Variants in ITGAX observed in about 807,000 individuals in gnomAD.
ITGAX encodes integrin alpha-X.
Under a neutral mutation model 140.2 loss-of-function variants are expected in ITGAX, and 99 were observed. The observed-to-expected ratio is 0.71, with a 90% CI of 0.60 to 0.83. The LOEUF is 0.83. Among genes scored for constraint, ITGAX ranks in the 40% least tolerant of loss-of-function variants. The pLI is 0.00. For missense variants in ITGAX, 1,444 were observed against 1,482.0 expected (o/e 0.97, Z 0.42); for synonymous variants, 631 against 600.4 (o/e 1.05, Z -0.75).
At chr16:31,367,961 C>T (rs537836090) in intron 14 of ITGAX, among the ~76,000 whole-genome samples, 3 of 152,080 alleles carry the variant, frequency 2.0e-5, no homozygotes, top group Non-Finnish European at 4.4e-5. Flanking sequence ...AACATTAACA[C>T]GAGTTCGGGA....
chr16:31,372,251 A>G, intron 17 of ITGAX, 127 bp from the exon 18 acceptor site: 3 of 1,078,208 alleles, frequency 2.8e-6, no homozygotes, highest in Non-Finnish European at 2.6e-6. Flanking sequence ...GGTGACGCTG[A>G]GCAGGCTCTG....
chr16:31,378,631 G>C (rs945051114), intron 23 of ITGAX, among the ~76,000 whole-genome samples: 4 of 151,760 alleles, frequency 2.6e-5, no homozygotes, highest in Non-Finnish European at 5.9e-5. Context: ...CACCATGCCT[G>C]GCTAATTTAA....
In ITGAX at chr16:31,357,222, G is replaced by C. The variant is rs767998541; in HGVS notation, c.319-31G>C. ...AATGTGAGGGTGGGAGGAAGCAGGG[G>C]CAGCCCCCCAGCAGCCCGCTGTGTC... On this transcript the variant is annotated intron_variant, in intron 4 of 29. Coordinates refer to ENST00000268296, the MANE Select transcript of ITGAX (RefSeq NM_000887.5). 6 of 1,561,524 alleles carry C rather than the reference G, an allele frequency of 3.8e-6. No homozygotes were observed. In the South Asian group the frequency reaches 6.9e-5, roughly 18 times the overall value.
chr16:31,378,090 A>C (rs2081036175), intron 23 of ITGAX, among the ~76,000 whole-genome samples: 1 of 152,174 alleles, frequency 6.6e-6, no homozygotes, highest in African/African-American at 2.4e-5. Context: ...GCTTGTGCCC[A>C]AAAAGGGCTC....
rs757874145 is a variant in ITGAX, at chr16:31,371,109, C to T, written c.1736C>T (p.Ser579Phe). The change falls in exon 15 of 30, where the codon TCC becomes TTC. Residue 579 changes from serine to phenylalanine, a missense_variant. Physicochemically the swap from Ser to Phe is radical, Grantham distance 155. Transcript: ENST00000268296. ...CGGATCGCGGGCTCCCAGCTCTCCTCCAGGCTGCAGTATTTTGGGCAGGCA... is the reference window on the plus strand; with the variant it reads ...CGGATCGCGGGCTCCCAGCTCTCCTTCAGGCTGCAGTATTTTGGGCAGGCA... Reference protein sequence around the residue: ...SQRIAGSQLSSRLQYFGQALS... With the variant: ...SQRIAGSQLSFRLQYFGQALS... 3.1e-6 allele frequency: 5 copies of T among 1,614,138 alleles called. No individual in the cohort carries two copies. In the South Asian group the frequency reaches 5.5e-5, roughly 18 times the overall value.
chr16:31,367,281 A>G lies in ITGAX; in HGVS notation c.1711-3803A>G, dbSNP rs140438948. On this transcript the variant is annotated intron_variant, in intron 14 of 29. Transcript: ENST00000268296. The stretch of plus-strand genomic sequence containing the variant: ...ATGGAGAAGGCGCAGCAAGTTCTCC[A>G]GAAGATCTCTGATGAAGGTGGCTAC... 5.1e-4 allele frequency among the ~76,000 whole-genome samples: 77 copies of G among 152,394 alleles called. 1 individual carries two copies. The highest frequency in any genetic ancestry group is 2.7e-3 in the South Asian group (13 of 4,832).
At chr16:31,377,978 G>A (rs1255443928) in intron 23 of ITGAX, among the ~76,000 whole-genome samples, 1 of 152,182 alleles carries the variant, frequency 6.6e-6, no homozygotes, top group African/African-American at 2.4e-5. Flanking sequence ...CTGGTGTTTG[G>A]ACTATGCCAG....
At chr16:31,376,658 A>C (rs2081021755) in intron 20 of ITGAX, 141 bp from the exon 21 acceptor site, 2 of 705,202 alleles carry the variant, frequency 2.8e-6, no homozygotes, top group Admixed American at 2.6e-5. Flanking sequence ...ACATAAGCTT[A>C]AGGTGGGCTC....
At position 31,363,359 on chromosome 16, in the gene ITGAX, C is replaced by T. The variant is rs2080858927; in HGVS notation, c.1695C>T (p.Ser565=). 2 of 1,613,504 alleles carry T rather than the reference C, an allele frequency of 1.2e-6. No homozygotes were observed. Among genetic ancestry groups the T allele is most frequent in the South Asian group, 1.1e-5 (1 of 91,086 alleles). ...ACGGAGTCTTGGGACCCAGCATCAG[C>T]CCCTCCCACAGCCAGGTGAGGCCGT... ...LFHGVLGPSI[S]PSHSQRIAGS... is the part of the protein sequence containing the mutation. Residue 565 remains serine, a synonymous_variant, in exon 14 of 30, where the codon AGC becomes AGT. Transcript: ENST00000268296.
intron 22 of ITGAX, 37 bp from the exon 23 acceptor site, chr16:31,377,144 TG>T: frequency 1.9e-6 from 3 of 1,611,950 alleles, no homozygotes; most frequent in Non-Finnish European, 2.5e-6. Flanking sequence ...TCTCCTCCTC[TG>T]GGGCCTCTGG....
intron 20 of ITGAX, among the ~76,000 whole-genome samples, chr16:31,373,904 A>C (rs1418447002): frequency 1.3e-5 from 2 of 152,250 alleles, no homozygotes; most frequent in African/African-American, 4.8e-5. Flanking sequence ...AACTTTATAA[A>C]AATAGGTAGT....
intron 5 of ITGAX, chr16:31,357,795 G>C (rs2080779676): frequency 2.4e-6 from 1 of 408,990 alleles, no homozygotes; most frequent in Non-Finnish European, 4.3e-6. Flanking sequence ...AAAGGTCAGT[G>C]AAAGTGCAGT....
At position 31,355,187 on chromosome 16, in the gene ITGAX, C is replaced by T. The variant is rs927142032; in HGVS notation, c.-68C>T. The T allele has an allele frequency of 7.6e-6, 12 of 1,569,358 alleles. No individual in the cohort carries two copies. In the Admixed American group the frequency reaches 1.5e-4, roughly 20 times the overall value. On this transcript the variant is annotated 5_prime_UTR_variant, in exon 1 of 30. Coordinates refer to ENST00000268296, the MANE Select transcript of ITGAX (RefSeq NM_000887.5). ...CCACCTCTCTGCCCACTTGCTTCCT[C>T]AGTACCTTGGTCCAGCTCTTCCTGC... is the stretch of plus-strand genomic sequence containing the variant.
rs752826732 is a variant in ITGAX at position 31,356,718 on chromosome 16, C to T, written c.237C>T (p.Ile79=). The change falls in exon 3 of 30, where the codon ATC becomes ATT. Residue 79 remains isoleucine (I), a synonymous_variant. Coordinates refer to ENST00000268296, the MANE Select transcript of ITGAX (RefSeq NM_000887.5). ...CGYSTGACEP[I]GLQVPPEAVN... is the part of the protein sequence containing the mutation. ...ACAGCACTGGTGCCTGTGAGCCCATCGGCCTGCAGGGTGAGTCACCGCCCC... is the reference window on the plus strand; with the variant it reads ...ACAGCACTGGTGCCTGTGAGCCCATTGGCCTGCAGGGTGAGTCACCGCCCC... The T allele has an allele frequency of 3.8e-5, 61 of 1,586,674 alleles. No individual in the cohort carries two copies. Among genetic ancestry groups the T allele is most frequent in the Middle Eastern group, 3.4e-4 (2 of 5,860 alleles).
At chr16:31,362,774 G>T (rs2080846570) in intron 12 of ITGAX, 21 bp downstream of exon 12, 2 of 1,613,434 alleles carry the variant, frequency 1.2e-6, no homozygotes, top group Non-Finnish European at 1.7e-6. Flanking sequence ...ACAGGAGCCA[G>T]AGGGGAGGAT....
rs1298175329 is a variant in ITGAX, at chr16:31,371,641, A to G, written c.2017A>G (p.Ser673Gly). ...GCGACCGCCTACAGGTGACCTCCAA[A>G]GCTCTGTGACCTTGGACCTGGCCCT... Reference protein sequence around the residue: ...KNLLGSRDLQSSVTLDLALDP... With the variant: ...KNLLGSRDLQGSVTLDLALDP... Residue 673 changes from serine (S) to glycine (G), a missense_variant, in exon 17 of 30, where the codon AGC (serine) becomes GGC (glycine). By Grantham distance (56) the Ser-to-Gly change is moderately conservative. Coordinates refer to ENST00000268296, the MANE Select transcript of ITGAX (RefSeq NM_000887.5). 2 of 1,613,906 alleles carry G rather than the reference A, an allele frequency of 1.2e-6. No homozygotes were observed. Among genetic ancestry groups the G allele is most frequent in the African/African-American group, 2.7e-5 (2 of 74,868 alleles).
chr16:31,374,593 C>T (rs1157807636), intron 20 of ITGAX, among the ~76,000 whole-genome samples: 1 of 152,164 alleles, frequency 6.6e-6, no homozygotes, highest in Non-Finnish European at 1.5e-5. Context: ...GCACACACCA[C>T]CACACCTGGC....
At chr16:31,372,181 A>G (rs967972106) in intron 17 of ITGAX, among the ~76,000 whole-genome samples, 197 bp from the exon 18 acceptor site, 4 of 151,866 alleles carry the variant, frequency 2.6e-5, no homozygotes, top group South Asian at 2.1e-4. Flanking sequence ...GGGGGAGGAA[A>G]AAAACAAAGA....
chr16:31,355,274 C>CA lies in ITGAX; in HGVS notation c.21dup (p.Leu8ThrfsTer70). The CA allele has an allele frequency of 6.2e-7, 1 of 1,613,872 alleles. No homozygotes were observed. The highest frequency in any genetic ancestry group is 8.5e-7 in the Non-Finnish European group (1 of 1,179,998). ...CTAGTCATGACCAGGACCAGGGCAG[C>CA]ACTCCTCCTGTTCACAGGTGAGCCT... On this transcript the variant is annotated frameshift_variant, in exon 1 of 30. Transcript: ENST00000268296. LOFTEE classifies it high-confidence loss of function.
Sources: allele counts gnomAD v4.1 joint callset (sites outside exome capture counted in the v4.1 genomes callset), GRCh38; gene constraint gnomAD v4.1.1; transcripts MANE v1.5; gene names NCBI Gene and HGNC (gene_info 2026-07-23, HGNC 2026-07-21).